The following TBC1D17 variants were observed in gnomAD, a reference collection of about 807,000 sequenced individuals.
TBC1D17 encodes the protein TBC1 domain family, member 17.
TBC1D17 carries 69 observed loss-of-function variants against 78.8 expected under a neutral mutation model. The ratio of observed to expected loss-of-function variants is 0.88; its 90% CI spans 0.72 to 1.07. The LOEUF (loss-of-function observed/expected upper bound fraction) is 1.07. Ranked by LOEUF, TBC1D17 falls within the 50% of genes least tolerant of loss-of-function variation. The pLI is 0.00. For synonymous variants in TBC1D17, 456 were observed against 358.3 expected (o/e 1.27, Z -3.08); for missense variants, 957 against 861.0 (o/e 1.11, Z -1.39).
In TBC1D17 at chr19:49,884,235, T is replaced by C; in HGVS notation, c.1127-18T>C. ...CCCTACCTTTCTCACCTTTGCACCC[T>C]GTGCCCGGTCCCCGCAGAAAGGGAT... On this transcript the variant is annotated intron_variant, in intron 10 of 16. Transcript: ENST00000221543. 1 of 1,611,498 alleles carries C rather than the reference T, an allele frequency of 6.2e-7. No homozygotes were observed. Among genetic ancestry groups the C allele is most frequent in the Non-Finnish European group, 8.5e-7 (1 of 1,178,152 alleles).
Position 49,888,681 on chromosome 19 carries a change from C to T in TBC1D17, c.*57C>T. ...CTTTAGCCCGAGCCAGGCACACCTGCGAGGGGGCAGGTGTGCTCCGCCGCC... is the reference window on the plus strand; with the variant it reads ...CTTTAGCCCGAGCCAGGCACACCTGTGAGGGGGCAGGTGTGCTCCGCCGCC... On this transcript the variant is annotated 3_prime_UTR_variant, in exon 17 of 17. Transcript: ENST00000221543. The T allele has an allele frequency of 6.9e-7, 1 of 1,449,308 alleles. No homozygotes were observed. Among genetic ancestry groups the T allele is most frequent in the South Asian group, 1.3e-5 (1 of 76,546 alleles). 89.8% of individuals were successfully genotyped at this position (1,449,308 alleles called of 1,614,324 possible). A position where few individuals can be genotyped will look rare whatever the true frequency, so the allele number is the denominator to read the frequency against.
Position 49,884,301 on chromosome 19 carries a change from C to G in TBC1D17, c.1175C>G (p.Pro392Arg). 1 of 1,614,014 alleles carries G rather than the reference C, an allele frequency of 6.2e-7. No homozygotes were observed. Among genetic ancestry groups the G allele is most frequent in the Non-Finnish European group, 8.5e-7 (1 of 1,180,026 alleles). Reference sequence around the variant, plus strand: ...AGGACCAACAAGTTCTACGAGGGTCCCGAGAACCCGGGGCTGGGCCTGCTG... The same window carrying G: ...AGGACCAACAAGTTCTACGAGGGTCGCGAGAACCCGGGGCTGGGCCTGCTG... ...TDRTNKFYEG[P>R]ENPGLGLLND... Residue 392 changes from proline (P) to arginine (R), a missense_variant, in exon 11 of 17, where the codon CCC (proline) becomes CGC (arginine). Transcript: ENST00000221543.
chr19:49,886,209 T>C (rs529799927), intron 13 of TBC1D17, among the ~76,000 whole-genome samples: 1 of 152,026 alleles, frequency 6.6e-6, no homozygotes, highest in Admixed American at 6.5e-5. Context: ...GAGCCAAGGT[T>C]GCACCACTGC....
At chr19:49,883,807 C>A in intron 10 of TBC1D17, 62 bp downstream of exon 10, 1 of 1,438,318 alleles carries the variant, frequency 7.0e-7, no homozygotes, top group Non-Finnish European at 9.8e-7. Context: ...GGGCCTCAGG[C>A]ATAAGTGCGA....
Position 49,888,671 on chromosome 19 carries a change from G to C in TBC1D17, c.*47G>C, listed in dbSNP as rs2075088664. On this transcript the variant is annotated 3_prime_UTR_variant, in exon 17 of 17. Transcript: ENST00000221543. ...TGCACAGGCACTTTAGCCCGAGCCA[G>C]GCACACCTGCGAGGGGGCAGGTGTG... The C allele has an allele frequency of 6.7e-7, 1 of 1,484,054 alleles. No homozygotes were observed. The highest frequency in any genetic ancestry group is 1.3e-5 in the South Asian group (1 of 78,738). The allele number at this position is 1,484,054 out of a possible 1,614,324, so 91.9% of individuals were successfully genotyped here.
chr19:49,887,514 T>C lies in TBC1D17; in HGVS notation c.1483T>C (p.Trp495Arg), dbSNP rs773132035. 2.5e-5 allele frequency: 41 copies of C among 1,613,960 alleles called. No homozygotes were observed. The highest frequency in any genetic ancestry group is 1.3e-4 in the Admixed American group (8 of 60,002). The change falls in exon 14 of 17, where the codon TGG becomes CGG. Residue 495 changes from tryptophan (W) to arginine (R), a missense_variant. Transcript: ENST00000221543. ...DSGSLCFCFR[W>R]LLIWFKREFP... ...CGGCTCTCTCTGCTTCTGTTTCCGGTGGCTGCTCATCTGGTTCAAGAGGGA... is the reference window on the plus strand; with the variant it reads ...CGGCTCTCTCTGCTTCTGTTTCCGGCGGCTGCTCATCTGGTTCAAGAGGGA...
At chr19:49,879,951 T>G (rs2074997602) in intron 3 of TBC1D17, among the ~76,000 whole-genome samples, 1 of 151,334 alleles carries the variant, frequency 6.6e-6, no homozygotes, top group Non-Finnish European at 1.5e-5. Context: ...CCTCCCAGGT[T>G]CAAGCGATTT....
At chr19:49,877,970 C>T (rs1465450019) in intron 1 of TBC1D17, 173 bp from the exon 2 acceptor site, 2 of 712,972 alleles carry the variant, frequency 2.8e-6, no homozygotes, top group East Asian at 2.8e-5. Context: ...CCCTGTGGAA[C>T]GCACGTCAGC....
At chr19:49,880,982 G>T (rs1415902567) in intron 4 of TBC1D17, among the ~76,000 whole-genome samples, 2 of 152,162 alleles carry the variant, frequency 1.3e-5, no homozygotes, top group African/African-American at 4.8e-5. Flanking sequence ...GATAGGCAGG[G>T]GCGAAGGACA....
chr19:49,881,634 G>C (rs1484910796), intron 5 of TBC1D17, among the ~76,000 whole-genome samples, 159 bp downstream of exon 5: 1 of 152,218 alleles, frequency 6.6e-6, no homozygotes, highest in Non-Finnish European at 1.5e-5. Context: ...AAGGAGTATT[G>C]ATTTCAGGCA....
At chr19:49,881,177 T>C in intron 4 of TBC1D17, 91 bp from the exon 5 acceptor site, 1 of 1,155,164 alleles carries the variant, frequency 8.7e-7, no homozygotes, top group Non-Finnish European at 1.2e-6. Flanking sequence ...CCTCAGGAGA[T>C]GCCTGTGCCG....
chr19:49,888,297 C>T lies in TBC1D17; in HGVS notation c.1726C>T (p.Arg576Cys). The T allele has an allele frequency of 1.3e-6, 2 of 1,587,900 alleles. No individual in the cohort carries two copies. Among genetic ancestry groups the T allele is most frequent in the Non-Finnish European group, 8.6e-7 (1 of 1,167,964 alleles). Residue 576 changes from arginine to cysteine, a missense_variant, in exon 16 of 17, where the codon CGC becomes TGC. Arg to Cys is a radical substitution (Grantham distance 180, BLOSUM62 -3). Coordinates refer to ENST00000221543, the MANE Select transcript of TBC1D17 (RefSeq NM_024682.3). ...DVLTRAEALH[R>C]QLTACPELPH... Reference sequence around the variant, plus strand: ...GCTGACCCGCGCCGAGGCCCTGCACCGCCAGCTAACCGCCTGCCCCGTGAG... The same window carrying T: ...GCTGACCCGCGCCGAGGCCCTGCACTGCCAGCTAACCGCCTGCCCCGTGAG...
At chr19:49,885,894 G>A (rs554456884) in intron 13 of TBC1D17, among the ~76,000 whole-genome samples, 8 of 147,898 alleles carry the variant, frequency 5.4e-5, no homozygotes, top group South Asian at 2.1e-4. Flanking sequence ...AGAATCACTC[G>A]AACTGGAGTG....
rs1960791501 is a variant in TBC1D17, at chr19:49,888,646, T to C, written c.*22T>C. The C allele has an allele frequency of 6.6e-7, 1 of 1,524,662 alleles. No homozygotes were observed. Among genetic ancestry groups the C allele is most frequent in the African/African-American group, 1.4e-5 (1 of 72,500 alleles). The allele number at this position is 1,524,662 out of a possible 1,614,324, so 94.4% of individuals were successfully genotyped here. On this transcript the variant is annotated 3_prime_UTR_variant, in exon 17 of 17. Coordinates refer to ENST00000221543, the MANE Select transcript of TBC1D17 (RefSeq NM_024682.3). Reference sequence around the variant, plus strand: ...CTAACCCCGCCAGGCAGCCTCGTTCTGCACAGGCACTTTAGCCCGAGCCAG... The same window carrying C: ...CTAACCCCGCCAGGCAGCCTCGTTCCGCACAGGCACTTTAGCCCGAGCCAG...
chr19:49,879,463 C>T (rs960134793), intron 3 of TBC1D17: 6 of 152,286 alleles, frequency 3.9e-5, no homozygotes, highest in African/African-American at 1.2e-4. Context: ...CAAACACAGC[C>T]AAGGCACCAG....
At chr19:49,877,881 C>A in intron 1 of TBC1D17, 137 bp downstream of exon 1, 2 of 1,116,368 alleles carry the variant, frequency 1.8e-6, no homozygotes, top group Non-Finnish European at 2.5e-6. Flanking sequence ...AACGCGCCGT[C>A]ACCCTCCCGT....
chr19:49,881,887 C>CT (rs2075017371), intron 5 of TBC1D17, among the ~76,000 whole-genome samples, 154 bp from the exon 6 acceptor site: 1 of 152,162 alleles, frequency 6.6e-6, no homozygotes, highest in African/African-American at 2.4e-5. Context: ...TGGGATCCAG[C>CT]TGTGGGCCTC....
intron 9 of TBC1D17, 76 bp downstream of exon 9, chr19:49,883,152 G>A: frequency 7.3e-7 from 1 of 1,374,866 alleles, no homozygotes; most frequent in South Asian, 1.3e-5. Context: ...CAAGTTCTGT[G>A]GACGCTGGTT....
At chr19:49,878,014 T>C in intron 1 of TBC1D17, 129 bp from the exon 2 acceptor site, 1 of 822,546 alleles carries the variant, frequency 1.2e-6, no homozygotes, top group Non-Finnish European at 1.9e-6. Context: ...CTCCCCGCCT[T>C]GGTCCCGGGG....
Sources: allele counts gnomAD v4.1 joint callset (sites outside exome capture counted in the v4.1 genomes callset), GRCh38; gene constraint gnomAD v4.1.1; transcripts MANE v1.5; gene names NCBI Gene and HGNC (gene_info 2026-07-23, HGNC 2026-07-21).